BEGAIN: variants seen among roughly 807,000 people sequenced by gnomAD.
BEGAIN encodes the protein brain-enriched guanylate kinase-associated protein.
Under a neutral mutation model 35.8 loss-of-function variants are expected in BEGAIN, and 19 were observed. The ratio of observed to expected loss-of-function variants is 0.53; its 90% CI spans 0.37 to 0.78. The LOEUF is 0.78. Among genes scored for constraint, BEGAIN ranks in the 30% least tolerant of loss-of-function variants. The pLI is 0.00. For synonymous variants in BEGAIN, 462 were observed against 388.6 expected (o/e 1.19, Z -2.22); for missense variants, 795 against 853.6 (o/e 0.93, Z 0.85).
In BEGAIN at chr14:100,568,934, G is replaced by GCGCCGGGCGCCGCCGCCGCGTC. The variant is rs2034956470; in HGVS notation, c.43-1017_43-996dup. 3.4e-5 allele frequency: 33 copies of GCGCCGGGCGCCGCCGCCGCGTC among 983,514 alleles called. No homozygotes were observed. The highest frequency in any genetic ancestry group is 4.0e-5 in the Non-Finnish European group (33 of 829,402). 60.9% of individuals were successfully genotyped at this position (983,514 alleles called of 1,614,324 possible). The stretch of plus-strand genomic sequence containing the variant: ...TGATGACTGCCCATCCCGGCCCCTC[G>GCGCCGGGCGCCGCCGCCGCGTC]CGCCGGGCGCCGCCGCCGCGTCCGC... On this transcript the variant is annotated intron_variant, in intron 1 of 6. Transcript: ENST00000554140. This position sits in a 1 kb window ranked among gnomAD's most constrained non-coding sequence, Gnocchi z 7.5.
chr14:100,552,817 C>T (rs1428917348), intron 2 of BEGAIN, among the ~76,000 whole-genome samples: 3 of 152,228 alleles, frequency 2.0e-5, no homozygotes, highest in African/African-American at 7.2e-5. Flanking sequence ...CACGTTCCTG[C>T]TCCTACCAGC....
intron 1 of BEGAIN, among the ~76,000 whole-genome samples, chr14:100,584,238 T>C (rs1566984205): frequency 1.3e-5 from 2 of 152,162 alleles, no homozygotes; most frequent in African/African-American, 2.4e-5. Flanking sequence ...GGCTTGCTGA[T>C]TGAACCAATG....
At chr14:100,578,113 C>G (rs1308756200) in intron 1 of BEGAIN, among the ~76,000 whole-genome samples, 1 of 152,218 alleles carries the variant, frequency 6.6e-6, no homozygotes, top group East Asian at 1.9e-4. Flanking sequence ...GATCCAGTGG[C>G]AGGGCCTCTT....
At chr14:100,574,198 G>A (rs917668609) in intron 1 of BEGAIN, among the ~76,000 whole-genome samples, 1 of 152,252 alleles carries the variant, frequency 6.6e-6, no homozygotes, top group Non-Finnish European at 1.5e-5. Flanking sequence ...CTGATCAATG[G>A]GAGAGGGAAG....
chr14:100,551,857 G>A (rs548409822), intron 2 of BEGAIN, among the ~76,000 whole-genome samples: 2 of 152,256 alleles, frequency 1.3e-5, no homozygotes, highest in East Asian at 3.9e-4. Flanking sequence ...ATGCCCCAGC[G>A]CATGGTGGGG....
chr14:100,538,395 G>C lies in BEGAIN; in HGVS notation c.1413C>G (p.Ala471=), dbSNP rs1161032027. 6 of 1,533,748 alleles carry C rather than the reference G, an allele frequency of 3.9e-6. No individual in the cohort carries two copies. In the South Asian group the frequency reaches 6.3e-5, roughly 16 times the overall value. Residue 471 remains alanine, a synonymous_variant, in exon 7 of 7, where the codon GCC becomes GCG. Coordinates refer to ENST00000554140, the MANE Select transcript of BEGAIN (RefSeq NM_001385089.1). ...CSFSERYYGG[A]GGSPGKKADG... ...CGGCCTTCTTGCCCGGGCTGCCCCC[G>C]GCCCCGCCGTAGTAGCGTTCAGAGA...
intron 1 of BEGAIN, among the ~76,000 whole-genome samples, chr14:100,585,528 C>T (rs750718346): frequency 2.0e-5 from 3 of 150,380 alleles, no homozygotes; most frequent in Non-Finnish European, 4.4e-5. Flanking sequence ...CAAAGTGTTG[C>T]CGTGGAGATG....
chr14:100,570,113 T>TTGCCA (rs1273082228), intron 1 of BEGAIN, among the ~76,000 whole-genome samples: 3 of 152,220 alleles, frequency 2.0e-5, no homozygotes, highest in Non-Finnish European at 4.4e-5. Context: ...CTGTCTCTGG[T>TTGCCA]TGCCAACCTC....
rs576077024 is a variant in BEGAIN at position 100,558,649 on chromosome 14, C to T, written c.71+9262G>A. Reference sequence around the variant, plus strand: ...CGCCCCTACAAATCCACAGCCTACCCCCACACCCTGCAGCAAGACAAGTCC... The same window carrying T: ...CGCCCCTACAAATCCACAGCCTACCTCCACACCCTGCAGCAAGACAAGTCC... On this transcript the variant is annotated intron_variant, in intron 2 of 6. Transcript: ENST00000554140. The surrounding 1 kb of genome is among the most constrained non-coding windows in gnomAD (Gnocchi z 4.6). Among the ~76,000 whole-genome samples the T allele has an allele frequency of 2.4e-4, 36 of 152,346 alleles. No homozygotes were observed. Among genetic ancestry groups the T allele is most frequent in the African/African-American group, 8.2e-4 (34 of 41,578 alleles).
At chr14:100,561,071 A>C (rs1306262427) in intron 2 of BEGAIN, among the ~76,000 whole-genome samples, 1 of 152,166 alleles carries the variant, frequency 6.6e-6, no homozygotes, top group South Asian at 2.1e-4. Flanking sequence ...TGCGGGCCTG[A>C]CATGGAGCCC....
chr14:100,538,305 G>A lies in BEGAIN; in HGVS notation c.1503C>T (p.Leu501=), dbSNP rs372589914. Residue 501 remains leucine (L), a synonymous_variant, in exon 7 of 7, where the codon CTC becomes CTT. Transcript: ENST00000554140. ...AGGGCTCTGCCAGGTGGCCCTGGGA[G>A]AGGTCGTCCCCCTCGGAGAAGCTGT... is the stretch of plus-strand genomic sequence containing the variant. ...KADSFSEGDD[L]SQGHLAEPCF... is the part of the protein sequence containing the mutation. 4.6e-5 allele frequency: 71 copies of A among 1,537,988 alleles called. No individual in the cohort carries two copies. The highest frequency in any genetic ancestry group is 6.1e-5 in the Non-Finnish European group (70 of 1,150,682).
At chr14:100,544,421 C>T (rs1248176522) in intron 4 of BEGAIN, among the ~76,000 whole-genome samples, 1 of 152,196 alleles carries the variant, frequency 6.6e-6, no homozygotes, top group Non-Finnish European at 1.5e-5. Flanking sequence ...CAGGTTGTTG[C>T]TTTCAAAACC....
chr14:100,585,771 C>T (rs1303006386), intron 1 of BEGAIN, among the ~76,000 whole-genome samples: 1 of 152,164 alleles, frequency 6.6e-6, no homozygotes, highest in African/African-American at 2.4e-5. Flanking sequence ...CCTCCCCTCC[C>T]CACTCAGCTC....
intron 2 of BEGAIN, among the ~76,000 whole-genome samples, chr14:100,566,124 C>G (rs1318731673): frequency 1.3e-5 from 2 of 152,220 alleles, no homozygotes; most frequent in Non-Finnish European, 2.9e-5. Flanking sequence ...TCTAGGAGTC[C>G]TTGCCCCACG....
intron 1 of BEGAIN, among the ~76,000 whole-genome samples, chr14:100,584,857 A>G (rs2035398924): frequency 6.6e-6 from 1 of 152,014 alleles, no homozygotes; most frequent in African/African-American, 2.4e-5. Context: ...GTCAGAAGAG[A>G]ACCATGCGGG....
At chr14:100,544,951 C>CG in intron 4 of BEGAIN, 49 bp downstream of exon 4, 1 of 1,589,618 alleles carries the variant, frequency 6.3e-7, no homozygotes, top group South Asian at 1.1e-5. Context: ...TGGCTCCCCC[C>CG]GGGAAGGAGG....
Position 100,539,272 on chromosome 14 carries a change from T to C in BEGAIN, c.536A>G (p.Lys179Arg). The change falls in exon 7 of 7, where the codon AAG becomes AGG. Residue 179 changes from lysine (K) to arginine (R), a missense_variant. By Grantham distance (26) the Lys-to-Arg change is conservative. Coordinates refer to ENST00000554140, the MANE Select transcript of BEGAIN (RefSeq NM_001385089.1). ...CGGGGATGGCAGGCTGCAGCCGTGC[T>C]TCTCCATGTGCAGGCTCACGCGCTC... Reference protein sequence around the residue: ...FQERVSLHMEKHGCSLPSPLC... With the variant: ...FQERVSLHMERHGCSLPSPLC... The C allele has an allele frequency of 6.3e-7, 1 of 1,584,816 alleles. No individual in the cohort carries two copies. The highest frequency in any genetic ancestry group is 8.6e-7 in the Non-Finnish European group (1 of 1,166,348).
chr14:100,562,364 G>C lies in BEGAIN; in HGVS notation c.71+5547C>G, dbSNP rs1030625814. ...GCCCAGAGAACCCAACCTGGATGCT[G>C]TCTAGGACAGGGGCCTGCCCGAAGC... On this transcript the variant is annotated intron_variant, in intron 2 of 6. Coordinates refer to ENST00000554140, the MANE Select transcript of BEGAIN (RefSeq NM_001385089.1). Among the ~76,000 whole-genome samples, 7 of 152,088 alleles carry C rather than the reference G, an allele frequency of 4.6e-5. No individual in the cohort carries two copies. The South Asian group carries it at 6.2e-4, about 13-fold the overall frequency.
rs1312395475 is a variant in BEGAIN at position 100,568,780 on chromosome 14, G to A, written c.43-841C>T. ...GCACTTCCTGCGTGGAGCTGGGGGC[G>A]CCGGGCGGGCTCTCTATCACCCGGG... is the stretch of plus-strand genomic sequence containing the variant. On this transcript the variant is annotated intron_variant, in intron 1 of 6. Transcript: ENST00000554140. The surrounding 1 kb of genome is among the most constrained non-coding windows in gnomAD (Gnocchi z 7.5). The A allele has an allele frequency of 2.4e-6, 2 of 826,594 alleles. No individual in the cohort carries two copies. Among genetic ancestry groups the A allele is most frequent in the Non-Finnish European group, 2.9e-6 (2 of 684,316 alleles). 51.2% of individuals were successfully genotyped at this position (826,594 alleles called of 1,614,324 possible). A position where few individuals can be genotyped will look rare whatever the true frequency, so the allele number is the denominator to read the frequency against.
Sources: gnomAD v4.1 joint callset for allele counts (sites outside exome capture counted in the v4.1 genomes callset) on GRCh38, gnomAD v4.1.1 for gene constraint, Gnocchi (gnomAD v3.1) non-coding constraint, MANE v1.5 for transcripts, NCBI Gene and HGNC (gene_info 2026-07-23, HGNC 2026-07-21) for gene names.